Variants in PHIP observed in about 807,000 individuals in gnomAD.
PHIP encodes PH-interacting protein.
PHIP carries 54 observed loss-of-function variants against 236.8 expected under a neutral mutation model. The ratio of observed to expected loss-of-function variants is 0.23; its 90% confidence interval spans 0.18 to 0.29. The LOEUF is 0.29. PHIP is among the 10% of genes least tolerant of loss of function. The pLI is 1.00. For synonymous variants in PHIP, 756 were observed against 718.9 expected (o/e 1.05, Z -0.83); for missense variants, 1,370 against 2,190.8 (o/e 0.63, Z 7.48).
intron 31 of PHIP, among the ~76,000 whole-genome samples, chr6:78,959,243 G>A (rs1173881883): frequency 6.6e-6 from 1 of 152,066 alleles, no homozygotes; most frequent in African/African-American, 2.4e-5. Flanking sequence ...TATCTAATAT[G>A]TGGCCTGACT....
intron 7 of PHIP, among the ~76,000 whole-genome samples, chr6:79,027,248 A>T (rs1199173255): frequency 1.3e-5 from 2 of 152,166 alleles, no homozygotes; most frequent in African/African-American, 4.8e-5. Flanking sequence ...GCTGTATCTT[A>T]AATCAGACTC....
chr6:79,010,539 C>T (rs1770524873), intron 15 of PHIP, among the ~76,000 whole-genome samples: 1 of 151,826 alleles, frequency 6.6e-6, no homozygotes, highest in Non-Finnish European at 1.5e-5. Flanking sequence ...AGTAAAACTG[C>T]TTTCTATTAA....
At chr6:79,038,846 C>T (rs1427134469) in intron 7 of PHIP, among the ~76,000 whole-genome samples, 3 of 152,202 alleles carry the variant, frequency 2.0e-5, no homozygotes, top group African/African-American at 4.8e-5. Context: ...TACGTTTCAC[C>T]TTCACAAACT....
At chr6:78,979,162 T>C (rs565173875) in intron 23 of PHIP, among the ~76,000 whole-genome samples, 1 of 152,216 alleles carries the variant, frequency 6.6e-6, no homozygotes, top group East Asian at 1.9e-4. Flanking sequence ...CCGTGTCTAC[T>C]GAGAGATGAC....
chr6:79,077,687 C>T lies in PHIP; in HGVS notation c.129+13G>A. ...CGCGGCGGCGGGACGCGCCGGGCCG[C>T]CGCCGCCCTTACCTCCTTCTCGGCC... On this transcript the variant is annotated intron_variant, in intron 3 of 39. Coordinates refer to ENST00000275034, the MANE Select transcript of PHIP (RefSeq NM_017934.7). 2.6e-5 allele frequency: 26 copies of T among 997,224 alleles called. No homozygotes were observed. Among genetic ancestry groups the T allele is most frequent in the Non-Finnish European group, 3.0e-5 (25 of 840,068 alleles). The allele number at this position is 997,224 out of a possible 1,614,324, so 61.8% of individuals were successfully genotyped here. A position where few individuals can be genotyped will look rare whatever the true frequency, so the allele number is the denominator to read the frequency against.
intron 7 of PHIP, among the ~76,000 whole-genome samples, chr6:79,039,029 C>T (rs1303318639): frequency 6.6e-6 from 1 of 152,050 alleles, no homozygotes; most frequent in Non-Finnish European, 1.5e-5. Flanking sequence ...CTGTTTAATC[C>T]CTGATTTCTT....
chr6:79,045,808 A>T (rs1772456414), intron 6 of PHIP, among the ~76,000 whole-genome samples: 1 of 152,194 alleles, frequency 6.6e-6, no homozygotes, highest in Admixed American at 6.5e-5. Context: ...ACCTTAAATC[A>T]AGAAGCATAT....
chr6:78,943,821 T>C (rs1175494999), intron 39 of PHIP, among the ~76,000 whole-genome samples: 2 of 151,654 alleles, frequency 1.3e-5, no homozygotes, highest in African/African-American at 4.8e-5. Context: ...ATCCTGTCTA[T>C]ATCAAAAATA....
chr6:78,964,706 T>A (rs117199699), intron 29 of PHIP, among the ~76,000 whole-genome samples: 4,804 of 152,268 alleles, frequency 0.032, 91 homozygotes, highest in Middle Eastern at 0.058. Flanking sequence ...TTGGTCAGGC[T>A]GCTCTCCAAC....
At chr6:78,966,228 A>G (rs555281482) in intron 27 of PHIP, among the ~76,000 whole-genome samples, 172 bp from the exon 28 acceptor site, 1 of 152,346 alleles carries the variant, frequency 6.6e-6, no homozygotes, top group African/African-American at 2.4e-5. Flanking sequence ...AAGAGAAAAA[A>G]GGAATTTAGT....
At chr6:78,971,864 G>A (rs932728974) in intron 24 of PHIP, among the ~76,000 whole-genome samples, 1 of 152,206 alleles carries the variant, frequency 6.6e-6, no homozygotes, top group Non-Finnish European at 1.5e-5. Flanking sequence ...CCCGCACCTG[G>A]CTCGGAGGGT....
At chr6:78,966,901 T>C (rs1293731218) in intron 27 of PHIP, among the ~76,000 whole-genome samples, 1 of 152,226 alleles carries the variant, frequency 6.6e-6, no homozygotes, top group South Asian at 2.1e-4. Flanking sequence ...CTGTATAACT[T>C]TGAATATATT....
At chr6:79,038,770 A>T (rs946113060) in intron 7 of PHIP, among the ~76,000 whole-genome samples, 2 of 152,136 alleles carry the variant, frequency 1.3e-5, no homozygotes, top group African/African-American at 4.8e-5. Context: ...TTCTCACCTA[A>T]ATCTGAGTTC....
intron 19 of PHIP, 117 bp downstream of exon 19, chr6:78,997,297 G>T: frequency 1.3e-6 from 1 of 743,726 alleles, no homozygotes; most frequent in East Asian, 2.5e-5. Context: ...AGTTTATACT[G>T]CCCTTCCAGA....
At chr6:78,972,649 G>A (rs538033964) in intron 24 of PHIP, among the ~76,000 whole-genome samples, 2,338 of 152,228 alleles carry the variant, frequency 0.015, 64 homozygotes, top group African/African-American at 0.053. Context: ...AGAAGAATGT[G>A]TAACTAGAAT....
intron 6 of PHIP, among the ~76,000 whole-genome samples, chr6:79,050,822 A>G (rs1772755767): frequency 6.6e-6 from 1 of 152,216 alleles, no homozygotes; most frequent in South Asian, 2.1e-4. Flanking sequence ...AATGTATATT[A>G]TGCTATAGAG....
At chr6:78,957,134 T>C (rs540614897) in intron 32 of PHIP, 1 of 152,188 alleles carries the variant, frequency 6.6e-6, no homozygotes, top group African/African-American at 2.4e-5. Flanking sequence ...TGAATCTGAC[T>C]TCAAAGACAT....
At chr6:78,994,481 G>GC (rs1346317808) in intron 19 of PHIP, among the ~76,000 whole-genome samples, 4 of 152,170 alleles carry the variant, frequency 2.6e-5, no homozygotes, top group African/African-American at 9.7e-5. Context: ...GAAGGCTGAG[G>GC]CAGGGGAATT....
At chr6:78,975,795 T>G (rs1768010623) in intron 24 of PHIP, among the ~76,000 whole-genome samples, 1 of 150,910 alleles carries the variant, frequency 6.6e-6, no homozygotes, top group East Asian at 2.0e-4. Context: ...GAGAATAAAA[T>G]ACCTAGGAAT....
Sources: allele counts gnomAD v4.1 joint callset (sites outside exome capture counted in the v4.1 genomes callset), GRCh38; gene constraint gnomAD v4.1.1; transcripts MANE v1.5; gene names NCBI Gene and HGNC (gene_info 2026-07-23, HGNC 2026-07-21).